Variants in MTM1 observed in about 807,000 individuals in gnomAD.
The protein encoded by MTM1 is myotubularin 1.
MTM1 carries 9 observed loss-of-function variants against 52.1 expected under a neutral mutation model. That is an observed-to-expected ratio of 0.17 (90% CI 0.10 to 0.30). MTM1 has a LOEUF of 0.30. Among genes scored for constraint, MTM1 ranks in the 10% least tolerant of loss-of-function variants. MTM1 has a pLI of 1.00. For missense variants in MTM1, 277 were observed against 470.7 expected (o/e 0.59, Z 3.81); for synonymous variants, 136 against 163.8 (o/e 0.83, Z 1.29).
intron 4 of MTM1, among the ~76,000 whole-genome samples, chrX:150,601,439 T>A (rs1158660097): frequency 8.9e-6 from 1 of 111,980 alleles, no homozygotes; most frequent in African/African-American, 3.2e-5. Context: ...CTGAAAAAAA[T>A]TTTGTTGCAT....
intron 1 of MTM1, among the ~76,000 whole-genome samples, chrX:150,572,034 A>G (rs974581178): frequency 8.9e-6 from 1 of 112,206 alleles, no homozygotes; most frequent in Admixed American, 9.4e-5. Flanking sequence ...ATCTCTTTAG[A>G]TAATTGGCAT....
chrX:150,650,943 C>T (rs1479787113), intron 10 of MTM1, among the ~76,000 whole-genome samples: 3 of 111,514 alleles, frequency 2.7e-5, no homozygotes, highest in Non-Finnish European at 5.7e-5. Flanking sequence ...CTCACTTATG[C>T]CTGTTTCTGG....
At position 150,660,373 on chromosome X, in the gene MTM1, C is replaced by T. The variant is rs1557414636; in HGVS notation, c.1356C>T (p.Phe452=). 8.7e-7 allele frequency: 1 copy of T among 1,145,303 alleles called. No individual in the cohort carries two copies. Among genetic ancestry groups the T allele is most frequent in the Non-Finnish European group, 1.2e-6 (1 of 835,549 alleles). The allele number at this position is 1,145,303 out of a possible 1,213,427, so 94.4% of individuals were successfully genotyped here. A position where few individuals can be genotyped will look rare whatever the true frequency, so the allele number is the denominator to read the frequency against. The change falls in exon 13 of 15, where the codon TTC becomes TTT. Residue 452 remains phenylalanine, a splice_region_variant and synonymous_variant. Transcript: ENST00000370396. The part of the protein sequence containing the change: ...IDCVWQMSKQ[F]PTAFEFNEQF... ...TTTGTTTGCTTGTTTTTGTTTAGTT[C>T]CCTACAGCTTTTGAATTCAATGAAC... is the stretch of plus-strand genomic sequence containing the variant.
intron 4 of MTM1, among the ~76,000 whole-genome samples, chrX:150,603,841 A>G (rs1329955560): frequency 9.0e-6 from 1 of 111,520 alleles, no homozygotes; most frequent in African/African-American, 3.3e-5. Flanking sequence ...GATATGGGCT[A>G]AGGAGAGGAC....
intron 1 of MTM1, among the ~76,000 whole-genome samples, chrX:150,583,757 T>A (rs2038704181): frequency 2.1e-5 from 1 of 47,216 alleles, no homozygotes; most frequent in Non-Finnish European, 3.5e-5. Context: ...TTAATATATA[T>A]TAAATTAATA....
chrX:150,657,751 A>G (rs2040146484), intron 10 of MTM1, 70 bp from the exon 11 acceptor site: 2 of 1,011,306 alleles, frequency 2.0e-6, no homozygotes, highest in African/African-American at 3.7e-5. Flanking sequence ...GCTTTTTCTA[A>G]GTTTAAAAAC....
At chrX:150,644,691 A>T (rs782316560) in intron 8 of MTM1, among the ~76,000 whole-genome samples, 3 of 111,393 alleles carry the variant, frequency 2.7e-5, no homozygotes, top group Non-Finnish European at 3.8e-5. Context: ...CTATAAGCTA[A>T]CACGAGCCAG....
intron 6 of MTM1, among the ~76,000 whole-genome samples, chrX:150,624,205 C>G (rs1569565460): frequency 8.9e-6 from 1 of 111,899 alleles, no homozygotes; most frequent in African/African-American, 3.2e-5. Flanking sequence ...AAGATGCGCA[C>G]TTTTTTTAGT....
chrX:150,593,675 T>C (rs2038926125), intron 2 of MTM1, among the ~76,000 whole-genome samples: 1 of 111,467 alleles, frequency 9.0e-6, no homozygotes, highest in African/African-American at 3.3e-5. Flanking sequence ...TTTAAAAAAG[T>C]GTGTTTATGG....
chrX:150,615,852 T>C (rs1471640035), intron 5 of MTM1, among the ~76,000 whole-genome samples: 2 of 111,884 alleles, frequency 1.8e-5, no homozygotes, highest in Non-Finnish European at 3.8e-5. Flanking sequence ...TCAGCTTTTT[T>C]TTGGTGGTGT....
intron 8 of MTM1, among the ~76,000 whole-genome samples, chrX:150,645,456 G>A (rs2039914045): frequency 8.9e-6 from 1 of 112,246 alleles, no homozygotes; most frequent in Non-Finnish European, 1.9e-5. Flanking sequence ...ATTGGATGTG[G>A]TGCTAATTAA....
chrX:150,671,322 TA>T, intron 14 of MTM1, 105 bp from the exon 15 acceptor site: 1 of 922,921 alleles, frequency 1.1e-6, no homozygotes, highest in Non-Finnish European at 1.6e-6. Flanking sequence ...AAACTTTGAG[TA>T]AAGGGCTTAT....
At chrX:150,587,691 C>T (rs1337524616) in intron 1 of MTM1, among the ~76,000 whole-genome samples, 2 of 111,216 alleles carry the variant, frequency 1.8e-5, no homozygotes, top group Non-Finnish European at 3.8e-5. Context: ...GCCTACAATC[C>T]AAGCTACTTT....
intron 1 of MTM1, among the ~76,000 whole-genome samples, chrX:150,584,231 G>A (rs2038740834): frequency 9.3e-6 from 1 of 107,436 alleles, no homozygotes; most frequent in Admixed American, 1.0e-4. Context: ...CAAGTGCAAA[G>A]CAGTGGACTG....
At chrX:150,626,038 G>A (rs1412606975) in intron 6 of MTM1, among the ~76,000 whole-genome samples, 5 of 112,474 alleles carry the variant, frequency 4.4e-5, no homozygotes, top group Middle Eastern at 4.6e-3. Flanking sequence ...AGCATTTGCA[G>A]GTGTTTGTTA....
chrX:150,606,475 C>T lies in MTM1; in HGVS notation c.231+7789C>T, dbSNP rs782787366. ...CTCATCGCTGCTTTGGCAATTCCTT[C>T]GGTCTCAGATTGACTTCTCACTACA... On this transcript the variant is annotated intron_variant, in intron 4 of 14. Transcript: ENST00000370396. Among the ~76,000 whole-genome samples the T allele has an allele frequency of 6.3e-5, 7 of 111,566 alleles. No homozygotes were observed. In the South Asian group the frequency reaches 1.1e-3, roughly 18 times the overall value.
intron 6 of MTM1, among the ~76,000 whole-genome samples, chrX:150,638,582 CTTCCT>C (rs1426154670): frequency 8.1e-5 from 9 of 111,501 alleles, no homozygotes; most frequent in African/African-American, 2.6e-4. Context: ...TTTTATTTTT[CTTCCT>C]TTCCTTCTTT....
intron 1 of MTM1, among the ~76,000 whole-genome samples, chrX:150,570,185 C>G (rs1173201354): frequency 8.9e-6 from 1 of 111,832 alleles, no homozygotes; most frequent in Non-Finnish European, 1.9e-5. Context: ...AAGAGCCCCA[C>G]TGCTGAGGTC....
At chrX:150,659,513 A>G (rs1427137326) in intron 11 of MTM1, 151 bp from the exon 12 acceptor site, 4 of 478,998 alleles carry the variant, frequency 8.4e-6, no homozygotes, top group South Asian at 6.3e-5. Flanking sequence ...TACATTGCCT[A>G]TATTGCCATG....
Sources: gnomAD v4.1 joint callset for allele counts (sites outside exome capture counted in the v4.1 genomes callset) on GRCh38, gnomAD v4.1.1 for gene constraint, MANE v1.5 for transcripts, NCBI Gene and HGNC (gene_info 2026-07-23, HGNC 2026-07-21) for gene names.